STOX2: variants seen among roughly 807,000 people sequenced by gnomAD.
STOX2 encodes storkhead-box protein 2.
A neutral mutation model predicts 60.9 loss-of-function variants in STOX2; 28 were observed. The observed-to-expected ratio is 0.46, with a 90% confidence interval of 0.34 to 0.63. The LOEUF (loss-of-function observed/expected upper bound fraction) is 0.63, where lower values mean the gene tolerates loss of function less well. Ranked by LOEUF, STOX2 falls within the 30% of genes least tolerant of loss-of-function variation. STOX2 has a pLI of 0.01. For synonymous variants in STOX2, 472 were observed against 463.9 expected, an observed-to-expected ratio of 1.02 and a Z score of -0.22; for missense variants, 1,024 against 1,187.7, an observed-to-expected ratio of 0.86 and a Z score of 2.03.
In STOX2 at chr4:184,017,380, A is replaced by G. The variant is rs930809898; in HGVS notation, c.*96A>G. ...CATCTTTGGAAAGACAAGCATCTCA[A>G]CCACAGTTTTTGTGTTTACTTAAAC... On this transcript the variant is annotated 3_prime_UTR_variant, in exon 4 of 4. Coordinates refer to ENST00000308497, the MANE Select transcript of STOX2 (RefSeq NM_020225.3). 7.9e-7 allele frequency: 1 copy of G among 1,270,462 alleles called. No individual in the cohort carries two copies. The highest frequency in any genetic ancestry group is 1.1e-6 in the Non-Finnish European group (1 of 937,006). The allele number at this position is 1,270,462 out of a possible 1,614,324, so 78.7% of individuals were successfully genotyped here. A position where few individuals can be genotyped will look rare whatever the true frequency, so the allele number is the denominator to read the frequency against.
intron 1 of STOX2, among the ~76,000 whole-genome samples, chr4:183,818,914 G>A (rs1302532684): frequency 1.3e-5 from 2 of 152,046 alleles, no homozygotes; most frequent in African/African-American, 4.8e-5. Context: ...ATGGGATGGC[G>A]GCCGGGAAGA....
At chr4:183,815,768 C>T (rs1235325619) in intron 1 of STOX2, among the ~76,000 whole-genome samples, 3 of 152,178 alleles carry the variant, frequency 2.0e-5, no homozygotes, top group South Asian at 4.1e-4. Flanking sequence ...TGAATGAGGT[C>T]TCTCGAACAC....
intron 1 of STOX2, among the ~76,000 whole-genome samples, chr4:183,879,558 G>A (rs537983850): frequency 1.5e-4 from 23 of 152,296 alleles, no homozygotes; most frequent in African/African-American, 4.8e-4. Context: ...TAAGTGAGCC[G>A]CATCTCCATG....
intron 1 of STOX2, among the ~76,000 whole-genome samples, chr4:183,926,783 G>A (rs1742253688): frequency 6.6e-6 from 1 of 152,138 alleles, no homozygotes; most frequent in Non-Finnish European, 1.5e-5. Flanking sequence ...CACCATGCCT[G>A]GCTAATTTTT....
intron 1 of STOX2, among the ~76,000 whole-genome samples, chr4:183,932,457 C>T (rs1353724385): frequency 9.8e-6 from 1 of 102,504 alleles, no homozygotes; most frequent in Non-Finnish European, 1.8e-5. Context: ...TGTATGTATA[C>T]ATACAGTATA....
chr4:183,857,074 G>T (rs1351793688), intron 1 of STOX2, among the ~76,000 whole-genome samples: 1 of 152,146 alleles, frequency 6.6e-6, no homozygotes, highest in African/African-American at 2.4e-5. Context: ...TAATCCTTCT[G>T]CCTGGTAGGA....
chr4:183,935,573 T>C (rs1742568995), intron 1 of STOX2, among the ~76,000 whole-genome samples: 1 of 152,168 alleles, frequency 6.6e-6, no homozygotes, highest in Non-Finnish European at 1.5e-5. Flanking sequence ...TGTGGGGAAA[T>C]TGAACTGAAC....
At chr4:183,940,296 C>T (rs1259779073) in intron 1 of STOX2, among the ~76,000 whole-genome samples, 1 of 152,248 alleles carries the variant, frequency 6.6e-6, no homozygotes, top group Non-Finnish European at 1.5e-5. Context: ...CACAAAACTG[C>T]TAGGGCAAAA....
intron 1 of STOX2, among the ~76,000 whole-genome samples, chr4:183,946,403 A>C (rs183061704): frequency 6.6e-6 from 1 of 152,238 alleles, no homozygotes; most frequent in Admixed American, 6.5e-5. Context: ...CTCGGTGTCC[A>C]TGAGGAGGGG....
chr4:183,877,547 A>C (rs6813664), intron 1 of STOX2, among the ~76,000 whole-genome samples: 7 of 152,008 alleles, frequency 4.6e-5, no homozygotes, highest in African/African-American at 1.5e-4. Context: ...GCCGTTTTGC[A>C]TGCTCTGTAT....
Position 184,021,375 on chromosome 4 carries a change from T to G in STOX2, c.*4091T>G, listed in dbSNP as rs1198528440. ...CATGAGAAATCACAAAATACAATGCTATTTTTCTGATGTGTGCTAATAAAG... is the reference window on the plus strand; with the variant it reads ...CATGAGAAATCACAAAATACAATGCGATTTTTCTGATGTGTGCTAATAAAG... On this transcript the variant is annotated 3_prime_UTR_variant, in exon 4 of 4. Transcript: ENST00000308497. 1 of 152,144 alleles carries G rather than the reference T, an allele frequency of 6.6e-6. No homozygotes were observed. The highest frequency in any genetic ancestry group is 1.5e-5 in the Non-Finnish European group (1 of 68,038). The allele number at this position is 152,144 out of a possible 1,614,324, so 9.4% of individuals were successfully genotyped here.
rs546461616 is a variant in STOX2, at chr4:183,922,684, G to A, written c.166+15728G>A. ...TAACTTTTTAAGGGTACAGTTCAGT[G>A]GTATTAAGTACATTCACATTGTCAT... On this transcript the variant is annotated intron_variant, in intron 1 of 3. Transcript: ENST00000308497. 2.6e-5 allele frequency among the ~76,000 whole-genome samples: 4 copies of A among 152,184 alleles called. No homozygotes were observed. In the South Asian group the frequency reaches 8.3e-4, roughly 32 times the overall value.
At chr4:184,007,158 T>C (rs1210425308) in intron 2 of STOX2, among the ~76,000 whole-genome samples, 1 of 152,182 alleles carries the variant, frequency 6.6e-6, no homozygotes, top group Non-Finnish European at 1.5e-5. Flanking sequence ...TAAATAATTA[T>C]ATTGATACAT....
intron 1 of STOX2, among the ~76,000 whole-genome samples, chr4:183,967,055 G>A (rs1265679182): frequency 6.6e-6 from 1 of 152,148 alleles, no homozygotes; most frequent in East Asian, 1.9e-4. Flanking sequence ...TAGGAGGTGG[G>A]AAGGGTAGGC....
At chr4:183,929,321 G>A (rs1939382384) in intron 1 of STOX2, among the ~76,000 whole-genome samples, 1 of 152,100 alleles carries the variant, frequency 6.6e-6, no homozygotes, top group Non-Finnish European at 1.5e-5. Context: ...ATTTTGTGGT[G>A]GTATTGGCCT....
At chr4:183,951,804 G>A (rs549300315) in intron 1 of STOX2, among the ~76,000 whole-genome samples, 8 of 152,050 alleles carry the variant, frequency 5.3e-5, no homozygotes, top group African/African-American at 7.2e-5. Flanking sequence ...TTAGCTGGGC[G>A]TGGTGGTGCA....
rs571721107 is a variant in STOX2, at chr4:183,895,078, A to G, written c.364+97023A>G. Among the ~76,000 whole-genome samples the G allele has an allele frequency of 5.6e-4, 85 of 152,330 alleles. 1 individual carries two copies. The highest frequency in any genetic ancestry group is 1.3e-3 in the East Asian group (7 of 5,190). Reference sequence around the variant, plus strand: ...CATTACGGAGGCAATGGAGTGAGGCAGGAGAGTACAATCGCGGACTAGGAT... The same window carrying G: ...CATTACGGAGGCAATGGAGTGAGGCGGGAGAGTACAATCGCGGACTAGGAT... On this transcript the variant is annotated intron_variant, in intron 1 of 2. Coordinates refer to the STOX2 transcript ENST00000513034.
At chr4:183,931,810 T>G (rs1742432659) in intron 1 of STOX2, among the ~76,000 whole-genome samples, 1 of 152,156 alleles carries the variant, frequency 6.6e-6, no homozygotes, top group African/African-American at 2.4e-5. Context: ...TGGGAACGTA[T>G]GGTTACCCTA....
intron 1 of STOX2, among the ~76,000 whole-genome samples, chr4:183,828,406 C>T (rs950388595): frequency 6.6e-6 from 1 of 151,308 alleles, no homozygotes; most frequent in Non-Finnish European, 1.5e-5. Context: ...TTAGATTCTT[C>T]AGTCATATTC....
Sources: allele counts gnomAD v4.1 joint callset (sites outside exome capture counted in the v4.1 genomes callset), GRCh38; gene constraint gnomAD v4.1.1; transcripts MANE v1.5; gene names NCBI Gene and HGNC (gene_info 2026-07-23, HGNC 2026-07-21).